The following FAM184B variants were observed in gnomAD, a reference collection of about 807,000 sequenced individuals.
FAM184B encodes protein FAM184B.
A neutral mutation model predicts 135.9 loss-of-function variants in FAM184B; 111 were observed. The observed-to-expected ratio is 0.82, with a 90% CI of 0.70 to 0.96. The LOEUF (loss-of-function observed/expected upper bound fraction) is 0.96. Among genes scored for constraint, FAM184B ranks in the 40% least tolerant of loss-of-function variants. The pLI, the probability that FAM184B is intolerant of heterozygous loss-of-function variation, is 0.00. For synonymous variants in FAM184B, 552 were observed against 524.8 expected, an observed-to-expected ratio of 1.05 and a Z score of -0.71; for missense variants, 1,375 against 1,323.9, an observed-to-expected ratio of 1.04 and a Z score of -0.60.
At chr4:17,759,260 T>C (rs1276175104) in intron 1 of FAM184B, among the ~76,000 whole-genome samples, 2 of 152,168 alleles carry the variant, frequency 1.3e-5, no homozygotes, top group Non-Finnish European at 2.9e-5. Flanking sequence ...GTTCTCATGA[T>C]AGTGAGTGAG....
At chr4:17,718,531 T>C (rs1717447335) in intron 1 of FAM184B, among the ~76,000 whole-genome samples, 1 of 152,230 alleles carries the variant, frequency 6.6e-6, no homozygotes, top group African/African-American at 2.4e-5. Flanking sequence ...TTCTTTCCCC[T>C]TCCTTGCCAT....
chr4:17,775,900 A>T (rs1718915101), intron 1 of FAM184B, among the ~76,000 whole-genome samples: 1 of 152,218 alleles, frequency 6.6e-6, no homozygotes, highest in Admixed American at 6.5e-5. Flanking sequence ...GGTACAATGT[A>T]TCCTATTCGT....
intron 1 of FAM184B, among the ~76,000 whole-genome samples, chr4:17,716,388 G>A (rs1338891958): frequency 6.6e-6 from 1 of 152,072 alleles, no homozygotes. Flanking sequence ...TATGTCCCAG[G>A]CTGGAGTGCA....
In FAM184B at chr4:17,658,337, G is replaced by A. The variant is rs1715827469; in HGVS notation, c.2037+13C>T. ...TGCCCGGCACAGAGTAGACGGCACA[G>A]TCATTCCCTCACCTTGAGTTCCTGA... On this transcript the variant is annotated intron_variant, in intron 10 of 17. Coordinates refer to ENST00000265018, the MANE Select transcript of FAM184B (RefSeq NM_015688.2). 6.4e-7 allele frequency: 1 copy of A among 1,551,246 alleles called. No homozygotes were observed. Among genetic ancestry groups the A allele is most frequent in the South Asian group, 1.2e-5 (1 of 84,046 alleles).
intron 1 of FAM184B, among the ~76,000 whole-genome samples, chr4:17,727,049 C>A (rs1042870600): frequency 2.0e-5 from 3 of 152,090 alleles, no homozygotes; most frequent in Non-Finnish European, 4.4e-5. Context: ...AATTAGAAAC[C>A]TGGTGCCAGG....
chr4:17,765,644 A>G (rs1718655540), intron 1 of FAM184B, among the ~76,000 whole-genome samples: 1 of 152,178 alleles, frequency 6.6e-6, no homozygotes, highest in Non-Finnish European at 1.5e-5. Flanking sequence ...CTCTCTGCTG[A>G]CACTGCCACC....
intron 10 of FAM184B, among the ~76,000 whole-genome samples, chr4:17,657,655 C>CTTTT (rs58666074): frequency 0.021 from 2,401 of 114,360 alleles, 162 homozygotes; most frequent in African/African-American, 0.051. Flanking sequence ...CTGAGCTGTT[C>CTTTT]TTTTTTTTTT....
chr4:17,693,238 G>A, intron 6 of FAM184B, 64 bp downstream of exon 6: 1 of 1,290,908 alleles, frequency 7.7e-7, no homozygotes. Context: ...TGGCTTCTCA[G>A]TTAGGTAGAA....
chr4:17,639,412 G>A lies in FAM184B; in HGVS notation c.2520-16C>T, dbSNP rs1483799282. 2.6e-6 allele frequency: 4 copies of A among 1,550,716 alleles called. No individual in the cohort carries two copies. In the African/African-American group the frequency reaches 5.5e-5, roughly 21 times the overall value. On this transcript the variant is annotated splice_polypyrimidine_tract_variant and intron_variant, in intron 13 of 17. Transcript: ENST00000265018. The stretch of plus-strand genomic sequence containing the variant: ...CTCCAGGAACCTGTGGTGGATGAAA[G>A]CACAGCCAGGCTTGCCCAGCTCCAG...
intron 1 of FAM184B, among the ~76,000 whole-genome samples, chr4:17,766,952 G>A (rs13130309): frequency 0.22 from 33,083 of 152,180 alleles, 4,514 homozygotes; most frequent in Non-Finnish European, 0.3. Flanking sequence ...GCCCTGCCCC[G>A]CGGGGAGGCA....
At chr4:17,772,314 C>T (rs1718835677) in intron 1 of FAM184B, among the ~76,000 whole-genome samples, 1 of 152,130 alleles carries the variant, frequency 6.6e-6, no homozygotes, top group Non-Finnish European at 1.5e-5. Flanking sequence ...CATCACCTCC[C>T]ATCCCCCACC....
chr4:17,636,444 G>T, intron 15 of FAM184B, 84 bp downstream of exon 15: 1 of 1,012,760 alleles, frequency 9.9e-7, no homozygotes, highest in African/African-American at 1.6e-5. Context: ...CTAGAGAAAT[G>T]CTGGGTGCAA....
At chr4:17,707,881 A>C in intron 2 of FAM184B, 97 bp from the exon 3 acceptor site, 1 of 1,388,274 alleles carries the variant, frequency 7.2e-7, no homozygotes, top group South Asian at 1.4e-5. Context: ...AGGCGGGTAT[A>C]TGCACAGCAG....
intron 1 of FAM184B, among the ~76,000 whole-genome samples, chr4:17,774,876 C>A (rs1406380022): frequency 6.6e-6 from 1 of 152,126 alleles, no homozygotes; most frequent in Non-Finnish European, 1.5e-5. Flanking sequence ...TATTCTATTT[C>A]CATATTCTGT....
intron 1 of FAM184B, among the ~76,000 whole-genome samples, chr4:17,778,953 TC>T (rs1463124974): frequency 6.6e-6 from 1 of 152,140 alleles, no homozygotes; most frequent in Non-Finnish European, 1.5e-5. Context: ...TATACAAAGT[TC>T]TTTCATGGGA....
At chr4:17,737,760 C>T (rs975966444) in intron 1 of FAM184B, among the ~76,000 whole-genome samples, 1 of 152,152 alleles carries the variant, frequency 6.6e-6, no homozygotes, top group African/African-American at 2.4e-5. Context: ...AAACCCCACT[C>T]TATCTTCTTG....
intron 1 of FAM184B, among the ~76,000 whole-genome samples, chr4:17,779,406 C>G (rs188687108): frequency 6.6e-6 from 1 of 152,166 alleles, no homozygotes; most frequent in Non-Finnish European, 1.5e-5. Flanking sequence ...GGATCAATTG[C>G]GATTTCTAAT....
intron 1 of FAM184B, among the ~76,000 whole-genome samples, chr4:17,758,526 T>C (rs760699027): frequency 3.9e-5 from 6 of 152,232 alleles, no homozygotes; most frequent in Non-Finnish European, 5.9e-5. Flanking sequence ...GTATCTGTTT[T>C]AGAAATGTGA....
At chr4:17,778,778 G>A (rs1056365468) in intron 1 of FAM184B, among the ~76,000 whole-genome samples, 1 of 152,126 alleles carries the variant, frequency 6.6e-6, no homozygotes, top group South Asian at 2.1e-4. Flanking sequence ...AGGATTGCTT[G>A]AGGCCAGGAG....
Sources: allele counts gnomAD v4.1 joint callset (sites outside exome capture counted in the v4.1 genomes callset), GRCh38; gene constraint gnomAD v4.1.1; transcripts MANE v1.5; gene names NCBI Gene and HGNC (gene_info 2026-07-23, HGNC 2026-07-21).